Variants in FLACC1 observed in about 807,000 individuals in gnomAD.
The protein encoded by FLACC1 is flagellum-associated coiled-coil domain-containing protein 1.
A neutral mutation model predicts 62.8 loss-of-function variants in FLACC1; 66 were observed. That is an observed-to-expected ratio of 1.05 (90% CI 0.86 to 1.29). The LOEUF (loss-of-function observed/expected upper bound fraction) is 1.29, where lower values mean the gene tolerates loss of function less well. FLACC1 is among the 50% of genes most tolerant of loss of function. The pLI is 0.00. For missense variants in FLACC1, 452 were observed against 489.1 expected, an observed-to-expected ratio of 0.92 and a Z score of 0.71; for synonymous variants, 156 against 161.0, an observed-to-expected ratio of 0.97 and a Z score of 0.24.
intron 1 of FLACC1, among the ~76,000 whole-genome samples, chr2:201,355,055 C>T (rs562908001): frequency 1.3e-5 from 2 of 152,130 alleles, no homozygotes; most frequent in African/African-American, 2.4e-5. Flanking sequence ...GAGGCCAAGG[C>T]GAGAGGATCA....
chr2:201,352,082 G>C (rs557410414), intron 1 of FLACC1: 46 of 152,348 alleles, frequency 3.0e-4, no homozygotes, highest in African/African-American at 1.1e-3. Flanking sequence ...AAGCTACTGA[G>C]ACTCAGAGAA....
chr2:201,347,600 AATACAAAGATTC>A (rs1950941209), intron 4 of FLACC1, among the ~76,000 whole-genome samples: 1 of 152,028 alleles, frequency 6.6e-6, no homozygotes. Flanking sequence ...AAATTAATGG[AATACAAAGATTC>A]ATACAAAGAC....
intron 3 of FLACC1, among the ~76,000 whole-genome samples, chr2:201,348,596 T>C (rs573447223): frequency 2.2e-4 from 34 of 152,250 alleles, no homozygotes; most frequent in African/African-American, 7.9e-4. Context: ...ATATTCTCCC[T>C]GAGTCAAGGC....
intron 9 of FLACC1, among the ~76,000 whole-genome samples, chr2:201,319,150 T>C (rs1038379161): frequency 1.3e-5 from 2 of 152,110 alleles, no homozygotes; most frequent in Non-Finnish European, 1.5e-5. Flanking sequence ...TTGGTACTGA[T>C]ACAAAAACAG....
rs1184678487 is a variant in FLACC1 at position 201,346,988 on chromosome 2, T to C, written c.235-313A>G. Among the ~76,000 whole-genome samples the C allele has an allele frequency of 6.6e-6, 1 of 152,180 alleles. No homozygotes were observed. On this transcript the variant is annotated intron_variant, in intron 4 of 14. Coordinates refer to ENST00000392257, the MANE Select transcript of FLACC1 (RefSeq NM_001127391.3). The surrounding 1 kb of genome is among the most constrained non-coding windows in gnomAD (Gnocchi z 4.0). ...GAGGAGGTGGGCATGCGGCAACTGC[T>C]CGGGTTTTGGAATCACAGAGGCCTG...
Position 201,289,559 on chromosome 2 carries a change from A to G in FLACC1, c.1040T>C (p.Ile347Thr), listed in dbSNP as rs538408642. The change falls in exon 14 of 15, where the codon ATA (isoleucine) becomes ACA (threonine). Residue 347 changes from isoleucine (I) to threonine (T), a missense_variant. Physicochemically the swap from Ile to Thr is moderately conservative, Grantham distance 89. This residue lies in a region of FLACC1 where 301 missense variants were observed against 318.4 expected (regional missense o/e 0.95). Transcript: ENST00000392257. ...TQLELQKEKA[I>T]VGNLEKMLQT... ...AAGCATTTTCTCCAGATTTCCCACT[A>G]TAGCTTTCTGAAAGACATACATTTT... 6 of 1,614,112 alleles carry G rather than the reference A, an allele frequency of 3.7e-6. No individual in the cohort carries two copies. Among genetic ancestry groups the G allele is most frequent in the East Asian group, 2.2e-5 (1 of 44,884 alleles).
At chr2:201,315,047 T>G (rs138352040) in intron 9 of FLACC1, among the ~76,000 whole-genome samples, 6,237 of 152,066 alleles carry the variant, frequency 0.041, 188 homozygotes, top group Admixed American at 0.072. Flanking sequence ...CTCTAAATCT[T>G]GAAACAAATC....
At chr2:201,300,103 C>A (rs549194018) in intron 11 of FLACC1, among the ~76,000 whole-genome samples, 1 of 152,132 alleles carries the variant, frequency 6.6e-6, no homozygotes, top group Non-Finnish European at 1.5e-5. Context: ...GGCCACGGAC[C>A]GGGAGCCGAA....
chr2:201,331,283 C>A (rs1012290698), intron 7 of FLACC1, among the ~76,000 whole-genome samples: 4 of 152,088 alleles, frequency 2.6e-5, no homozygotes, highest in Admixed American at 2.6e-4. Context: ...GGGGCCTTCA[C>A]TTCCTGAAGC....
rs147309768 is a variant in FLACC1, at chr2:201,353,138, T to C, written c.-47-1687A>G. The stretch of plus-strand genomic sequence containing the variant: ...AGCATTTGGGAGTGTGGGTGAGAGA[T>C]TGGCAATAGAAACATAGAAACCTAA... On this transcript the variant is annotated intron_variant, in intron 1 of 14. Coordinates refer to ENST00000392257, the MANE Select transcript of FLACC1 (RefSeq NM_001127391.3). Among the ~76,000 whole-genome samples, 27 of 152,228 alleles carry C rather than the reference T, an allele frequency of 1.8e-4. No homozygotes were observed. In the South Asian group the frequency reaches 2.5e-3, roughly 14 times the overall value.
rs1950496031 is a variant in FLACC1 at position 201,326,088 on chromosome 2, T to G, written c.675+4382A>C. Among the ~76,000 whole-genome samples the G allele has an allele frequency of 6.6e-6, 1 of 152,100 alleles. No individual in the cohort carries two copies. The highest frequency in any genetic ancestry group is 2.4e-5 in the African/African-American group (1 of 41,428). ...AAAACACATGATCATCTCAATAGAT[T>G]CAGAAAAAGCATTTAATAAAATCCA... On this transcript the variant is annotated intron_variant, in intron 9 of 14. Coordinates refer to ENST00000392257, the MANE Select transcript of FLACC1 (RefSeq NM_001127391.3). This position sits in a 1 kb window ranked among gnomAD's most constrained non-coding sequence, Gnocchi z 4.1.
chr2:201,345,450 TTGTGTG>T (rs56229607), intron 5 of FLACC1, among the ~76,000 whole-genome samples: 11,778 of 144,130 alleles, frequency 0.082, 964 homozygotes, highest in East Asian at 0.24. Context: ...AGGTAGATGA[TTGTGTG>T]TGTGTGTGTG....
At chr2:201,305,951 G>T (rs1485565830) in intron 11 of FLACC1, among the ~76,000 whole-genome samples, 2 of 150,988 alleles carry the variant, frequency 1.3e-5, no homozygotes, top group East Asian at 2.0e-4. Context: ...GGGGGAGGGG[G>T]GAAGGATAGC....
Position 201,289,446 on chromosome 2 carries a change from A to G in FLACC1, c.1142+11T>C. 2.5e-6 allele frequency: 4 copies of G among 1,612,316 alleles called. No homozygotes were observed. Among genetic ancestry groups the G allele is most frequent in the Non-Finnish European group, 3.4e-6 (4 of 1,178,448 alleles). On this transcript the variant is annotated intron_variant, in intron 14 of 14. Coordinates refer to ENST00000392257, the MANE Select transcript of FLACC1 (RefSeq NM_001127391.3). ...AGAACTCAGCTATGTCTTTTTCAGC[A>G]GCAGCCGCACTTCAGATGAATGTTC...
chr2:201,315,765 G>T (rs1441767949), intron 9 of FLACC1, among the ~76,000 whole-genome samples: 1 of 152,004 alleles, frequency 6.6e-6, no homozygotes, highest in Non-Finnish European at 1.5e-5. Flanking sequence ...TTATTCAACA[G>T]CATATGGAAC....
intron 9 of FLACC1, among the ~76,000 whole-genome samples, chr2:201,325,960 T>C (rs1950493401): frequency 6.6e-6 from 1 of 152,070 alleles, no homozygotes; most frequent in African/African-American, 2.4e-5. Flanking sequence ...CAATAGCACA[T>C]CAAAAAGATA....
chr2:201,328,131 T>C (rs1443798931), intron 9 of FLACC1, among the ~76,000 whole-genome samples: 1 of 152,008 alleles, frequency 6.6e-6, no homozygotes, highest in Admixed American at 6.5e-5. Flanking sequence ...TATTCATTAA[T>C]GAACTTTAGA....
At position 201,346,577 on chromosome 2, in the gene FLACC1, CCACCGCTTT is replaced by C. The variant is rs761415357; in HGVS notation, c.324_332del (p.Lys109_Trp111del). ...TGCCTTTGTCCGGGATCTCCGATTC[CCACCGCTTT>C]TTCCTATCAAACATCTCATCCCCTA... On this transcript the variant is annotated inframe_deletion, in exon 5 of 15. Coordinates refer to ENST00000392257, the MANE Select transcript of FLACC1 (RefSeq NM_001127391.3). This position sits in a 1 kb window ranked among gnomAD's most constrained non-coding sequence, Gnocchi z 4.0. 16 of 1,614,150 alleles carry C rather than the reference CCACCGCTTT, an allele frequency of 9.9e-6. No individual in the cohort carries two copies. Among genetic ancestry groups the C allele is most frequent in the Non-Finnish European group, 1.4e-5 (16 of 1,180,010 alleles).
intron 7 of FLACC1, among the ~76,000 whole-genome samples, chr2:201,333,397 G>C (rs1950631244): frequency 1.3e-5 from 2 of 151,878 alleles, no homozygotes. Context: ...TTTTTAATTG[G>C]ATTTATTTAT....
Sources: gnomAD v4.1 joint callset for allele counts (sites outside exome capture counted in the v4.1 genomes callset) on GRCh38, gnomAD v4.1.1 for gene constraint, gnomAD v4.1.1 regional missense constraint, Gnocchi (gnomAD v3.1) non-coding constraint, MANE v1.5 for transcripts, NCBI Gene and HGNC (gene_info 2026-07-23, HGNC 2026-07-21) for gene names.